The following KDM4B variants were observed in gnomAD, a reference collection of about 807,000 sequenced individuals.
The protein encoded by KDM4B is lysine-specific demethylase 4B.
In KDM4B, 32 loss-of-function variants were observed where a neutral mutation model predicts 125.2. That is an observed-to-expected ratio of 0.26 (90% CI 0.19 to 0.34). The LOEUF (loss-of-function observed/expected upper bound fraction) is 0.34, where lower values mean the gene tolerates loss of function less well. Ranked by LOEUF, KDM4B falls within the 10% of genes least tolerant of loss-of-function variation. KDM4B has a pLI of 1.00. For missense variants in KDM4B, 1,190 were observed against 1,577.7 expected, an observed-to-expected ratio of 0.75 and a Z score of 4.16; for synonymous variants, 721 against 677.9, an observed-to-expected ratio of 1.06 and a Z score of -0.99.
At chr19:5,064,132 G>A (rs909676952) in intron 6 of KDM4B, among the ~76,000 whole-genome samples, 3 of 152,176 alleles carry the variant, frequency 2.0e-5, no homozygotes, top group East Asian at 1.9e-4. Context: ...TGGCTTTTCC[G>A]TTCTGTTTGC....
At chr19:5,030,078 C>T (rs578209031) in intron 2 of KDM4B, among the ~76,000 whole-genome samples, 12 of 152,202 alleles carry the variant, frequency 7.9e-5, no homozygotes, top group African/African-American at 1.9e-4. Flanking sequence ...CGCAACCCCA[C>T]GAGGTGTGGG....
At chr19:5,150,269 CTGGCCTCCCAGCTCTTGAGGCCG>C (rs2039923393) in intron 21 of KDM4B, 66 bp from the exon 22 acceptor site, 2 of 1,102,114 alleles carry the variant, frequency 1.8e-6, no homozygotes, top group South Asian at 1.4e-5. Context: ...CCCAAGGGGG[CTGGCCTCCCAGCTCTTGAGGCCG>C]TGGCCTGCCT....
At chr19:5,122,907 G>A (rs780794589) in intron 11 of KDM4B, among the ~76,000 whole-genome samples, 3 of 152,264 alleles carry the variant, frequency 2.0e-5, no homozygotes, top group African/African-American at 4.8e-5. Flanking sequence ...CCTGTTGCCT[G>A]GGACCTGCGT....
intron 2 of KDM4B, among the ~76,000 whole-genome samples, chr19:5,017,392 C>T (rs1172294129): frequency 6.6e-6 from 1 of 152,176 alleles, no homozygotes; most frequent in African/African-American, 2.4e-5. Context: ...AGCATTGTCC[C>T]TGGTTGCCTT....
At chr19:5,053,621 C>T (rs757448848) in intron 6 of KDM4B, among the ~76,000 whole-genome samples, 2 of 152,358 alleles carry the variant, frequency 1.3e-5, no homozygotes, top group African/African-American at 2.4e-5. Context: ...CCCTGGGAGC[C>T]GTATCCTTGT....
At chr19:4,983,030 A>G (rs1324611265) in intron 1 of KDM4B, among the ~76,000 whole-genome samples, 2 of 152,066 alleles carry the variant, frequency 1.3e-5, no homozygotes, top group African/African-American at 2.4e-5. Flanking sequence ...ATTAATTATT[A>G]CAGTGTATTG....
intron 11 of KDM4B, among the ~76,000 whole-genome samples, chr19:5,125,366 G>A (rs2039430932): frequency 6.6e-6 from 1 of 152,098 alleles, no homozygotes; most frequent in African/African-American, 2.4e-5. Context: ...GTTCTCCTCT[G>A]GTCTCCCCTC....
At position 5,077,478 on chromosome 19, in the gene KDM4B, C is replaced by T. The variant is rs746845799; in HGVS notation, c.780+8C>T. 16 of 1,611,174 alleles carry T rather than the reference C, an allele frequency of 9.9e-6. No homozygotes were observed. The highest frequency in any genetic ancestry group is 5.0e-5 in the Admixed American group (3 of 60,006). On this transcript the variant is annotated splice_region_variant and intron_variant, in intron 8 of 22. Coordinates refer to ENST00000159111, the MANE Select transcript of KDM4B (RefSeq NM_015015.3). ...GGGATCCCCTTCAGCCGGGTGCGTACGGGTGGGGCCTGCACGCCTGTGGGT... is the reference window on the plus strand; with the variant it reads ...GGGATCCCCTTCAGCCGGGTGCGTATGGGTGGGGCCTGCACGCCTGTGGGT...
intron 1 of KDM4B, among the ~76,000 whole-genome samples, chr19:4,988,270 A>G (rs2034910503): frequency 6.6e-6 from 1 of 151,904 alleles, no homozygotes; most frequent in Non-Finnish European, 1.5e-5. Context: ...CCTTCTCATG[A>G]ACCCTTCTTT....
At chr19:5,038,445 G>A (rs1220207924) in intron 3 of KDM4B, among the ~76,000 whole-genome samples, 1 of 152,208 alleles carries the variant, frequency 6.6e-6, no homozygotes, top group Admixed American at 6.5e-5. Flanking sequence ...AAGAGCCGGC[G>A]CTAACCTGGA....
At chr19:5,013,125 C>G (rs1338689231) in intron 1 of KDM4B, among the ~76,000 whole-genome samples, 5 of 152,214 alleles carry the variant, frequency 3.3e-5, no homozygotes, top group Admixed American at 6.5e-5. Flanking sequence ...GGCAGAAGGA[C>G]CCGTGGTCTT....
intron 15 of KDM4B, 120 bp downstream of exon 15, chr19:5,135,681 A>G: frequency 1.2e-6 from 1 of 839,800 alleles, no homozygotes; most frequent in South Asian, 1.8e-5. Context: ...CCCAGGCTGC[A>G]CTTTCAGGGC....
Position 5,005,732 on chromosome 19 carries a change from C to T in KDM4B, c.-108-10525C>T, listed in dbSNP as rs74544217. Among the ~76,000 whole-genome samples, 46 of 152,328 alleles carry T rather than the reference C, an allele frequency of 3.0e-4. 1 individual carries two copies. In the East Asian group the frequency reaches 8.9e-3, roughly 29 times the overall value. ...CCATGTCCTCACCCAGGACGTCCCTCTAAGATCGCTCTTAGAGGCTACAGG... is the reference window on the plus strand; with the variant it reads ...CCATGTCCTCACCCAGGACGTCCCTTTAAGATCGCTCTTAGAGGCTACAGG... On this transcript the variant is annotated intron_variant, in intron 1 of 22. Coordinates refer to ENST00000159111, the MANE Select transcript of KDM4B (RefSeq NM_015015.3).
At chr19:5,086,165 C>G (rs1203232969) in intron 9 of KDM4B, among the ~76,000 whole-genome samples, 3 of 152,112 alleles carry the variant, frequency 2.0e-5, no homozygotes, top group Non-Finnish European at 4.4e-5. Context: ...GTTGGCTGTT[C>G]ACCTTCCTTG....
At chr19:5,147,607 G>A (rs934208565) in intron 21 of KDM4B, among the ~76,000 whole-genome samples, 5 of 152,070 alleles carry the variant, frequency 3.3e-5, no homozygotes, top group Admixed American at 3.3e-4. Context: ...GCTGGGCATG[G>A]TGGCACGCAC....
intron 11 of KDM4B, among the ~76,000 whole-genome samples, chr19:5,126,204 G>A (rs1371810413): frequency 2.0e-5 from 3 of 152,266 alleles, no homozygotes; most frequent in East Asian, 3.9e-4. Context: ...AGGAGGAGAG[G>A]TGCCTGGGGG....
chr19:5,139,321 G>T (rs942611451), intron 18 of KDM4B, among the ~76,000 whole-genome samples: 1 of 152,170 alleles, frequency 6.6e-6, no homozygotes, highest in Non-Finnish European at 1.5e-5. Flanking sequence ...GTGGATGGAC[G>T]ACGTTGTGTT....
intron 9 of KDM4B, 45 bp from the exon 10 acceptor site, chr19:5,110,577 C>A (rs776992599): frequency 6.2e-7 from 1 of 1,601,740 alleles, no homozygotes; most frequent in Non-Finnish European, 8.5e-7. Context: ...TGGAGCCAGC[C>A]GTCCAGGTGT....
intron 1 of KDM4B, among the ~76,000 whole-genome samples, chr19:4,983,235 G>T (rs866622985): frequency 6.6e-6 from 1 of 150,898 alleles, no homozygotes; most frequent in Non-Finnish European, 1.5e-5. Context: ...CCCTGGCCCC[G>T]GATGCACTGA....
Sources: gnomAD v4.1 joint callset for allele counts (sites outside exome capture counted in the v4.1 genomes callset) on GRCh38, gnomAD v4.1.1 for gene constraint, MANE v1.5 for transcripts, NCBI Gene and HGNC (gene_info 2026-07-23, HGNC 2026-07-21) for gene names.